Variants in PTDSS2 observed in about 807,000 individuals in gnomAD.
The protein encoded by PTDSS2 is PSS-2.
A neutral mutation model predicts 64.7 loss-of-function variants in PTDSS2; 41 were observed. The ratio of observed to expected loss-of-function variants is 0.63; its 90% CI spans 0.49 to 0.82. PTDSS2 has a LOEUF of 0.82. Among genes scored for constraint, PTDSS2 ranks in the 40% least tolerant of loss-of-function variants. The probability of loss-of-function intolerance (pLI) is 0.00; values close to 1 mark genes in which losing one functional copy is unlikely to be tolerated. For missense variants in PTDSS2, 485 were observed against 650.0 expected, an observed-to-expected ratio of 0.75 and a Z score of 2.76; for synonymous variants, 297 against 277.8, an observed-to-expected ratio of 1.07 and a Z score of -0.69.
chr11:483,593 T>G (rs1848162495), intron 4 of PTDSS2, among the ~76,000 whole-genome samples: 1 of 152,248 alleles, frequency 6.6e-6, no homozygotes, highest in South Asian at 2.1e-4. Flanking sequence ...TTTTCCCCCT[T>G]TGTTAATATG....
rs368450071 is a variant in PTDSS2, at chr11:490,027, C to T, written c.1260C>T (p.Ser420=). 110 of 1,611,184 alleles carry T rather than the reference C, an allele frequency of 6.8e-5. No homozygotes were observed. Among genetic ancestry groups the T allele is most frequent in the East Asian group, 4.7e-4 (21 of 44,864 alleles). Residue 420 remains serine (S), a synonymous_variant, in exon 11 of 12, where the codon TCC becomes TCT. Transcript: ENST00000308020. ...FYISQCWTLG[S]VLALTWTVWR... Reference sequence around the variant, plus strand: ...TCTCCCAGTGCTGGACCCTCGGCTCCGTCCTGGCGCTCACCTGGACCGTCT... The same window carrying T: ...TCTCCCAGTGCTGGACCCTCGGCTCTGTCCTGGCGCTCACCTGGACCGTCT...
In PTDSS2 at chr11:490,787, TGCGTGTGTGTAC is replaced by T. The variant is rs1554958717; in HGVS notation, c.*214_*225del. The stretch of plus-strand genomic sequence containing the variant: ...ATGTGTACACGTGTGTACGTGTGTA[TGCGTGTGTGTAC>T]GCGTGTGTACGCGCGTGTGTACACA... On this transcript the variant is annotated 3_prime_UTR_variant, in exon 12 of 12. Transcript: ENST00000308020. The T allele has an allele frequency of 5.2e-6, 3 of 574,018 alleles. No individual in the cohort carries two copies. Among genetic ancestry groups the T allele is most frequent in the South Asian group, 2.0e-5 (1 of 49,718 alleles). The allele number at this position is 574,018 out of a possible 1,614,324, so 35.6% of individuals were successfully genotyped here.
intron 1 of PTDSS2, among the ~76,000 whole-genome samples, chr11:451,769 A>G (rs1198719707): frequency 6.6e-6 from 1 of 152,106 alleles, no homozygotes; most frequent in Non-Finnish European, 1.5e-5. Context: ...GAAGCTCTGG[A>G]GAGAGACTGT....
In PTDSS2 at chr11:460,401, G is replaced by T. The variant is rs937316377; in HGVS notation, c.284+113G>T. ...CTCAGAAGGCCTTCACCAGAGGGCT[G>T]CGTGGGGCCGCCGGCCTCTCCCTTG... On this transcript the variant is annotated intron_variant, in intron 2 of 11. Transcript: ENST00000308020. The surrounding 1 kb of genome is among the most constrained non-coding windows in gnomAD (Gnocchi z 5.8). 1.3e-5 allele frequency: 10 copies of T among 792,624 alleles called. No individual in the cohort carries two copies. Among genetic ancestry groups the T allele is most frequent in the Admixed American group, 2.1e-5 (1 of 46,648 alleles). The allele number at this position is 792,624 out of a possible 1,614,324, so 49.1% of individuals were successfully genotyped here. A position where few individuals can be genotyped will look rare whatever the true frequency, so the allele number is the denominator to read the frequency against.
In PTDSS2 at chr11:488,406, C is replaced by G. The variant is rs138837142; in HGVS notation, c.735+94C>G. ...AGCGCGGCCCCTGGACCCCCTCATT[C>G]TCCCCGGGGGGCAGTGGGTGCAGGC... On this transcript the variant is annotated intron_variant, in intron 7 of 11. Transcript: ENST00000308020. The G allele has an allele frequency of 2.5e-4, 330 of 1,333,548 alleles. No homozygotes were observed. The African/African-American group carries it at 4.2e-3, about 17-fold the overall frequency. 82.6% of individuals were successfully genotyped at this position (1,333,548 alleles called of 1,614,324 possible).
chr11:480,453 G>A (rs1848020064), intron 4 of PTDSS2: 2 of 137,092 alleles, frequency 1.5e-5, no homozygotes, highest in South Asian at 5.2e-4. Flanking sequence ...CCTGCACAGT[G>A]CCTCTGAGGT....
intron 1 of PTDSS2, among the ~76,000 whole-genome samples, chr11:458,427 G>C (rs9666582): frequency 1.3e-5 from 2 of 150,328 alleles, no homozygotes; most frequent in African/African-American, 2.5e-5. Flanking sequence ...GGATGGTCTC[G>C]ATCTCCTGAC....
In PTDSS2 at chr11:479,071, GTC is replaced by G; in HGVS notation, c.368-12_368-11del. 1.2e-6 allele frequency: 2 copies of G among 1,613,612 alleles called. No homozygotes were observed. The highest frequency in any genetic ancestry group is 1.7e-6 in the Non-Finnish European group (2 of 1,179,468). ...GGACCGGGCGCACTAACGTTCTGTC[GTC>G]TGTCTTTGTAGCTTACTGGAGGTTT... On this transcript the variant is annotated splice_polypyrimidine_tract_variant and intron_variant, in intron 3 of 11. Transcript: ENST00000308020. This position sits in a 1 kb window ranked among gnomAD's most constrained non-coding sequence, Gnocchi z 4.2.
Position 462,141 on chromosome 11 carries a change from C to T in PTDSS2, c.284+1853C>T, listed in dbSNP as rs1846919612. On this transcript the variant is annotated intron_variant, in intron 2 of 11. Transcript: ENST00000308020. This position sits in a 1 kb window ranked among gnomAD's most constrained non-coding sequence, Gnocchi z 4.5. ...GCATTCACCAGGCCCCCACCAGGCG[C>T]ATCACAAAGCCTCACCACCCCAAGC... 6.6e-6 allele frequency among the ~76,000 whole-genome samples: 1 copy of T among 152,128 alleles called. No individual in the cohort carries two copies. Among genetic ancestry groups the T allele is most frequent in the Non-Finnish European group, 1.5e-5 (1 of 67,992 alleles).
At chr11:488,436 G>A (rs1036665102) in intron 7 of PTDSS2, 93 bp from the exon 8 acceptor site, 6 of 1,338,552 alleles carry the variant, frequency 4.5e-6, no homozygotes, top group African/African-American at 1.4e-5. Context: ...GCAGGCTGAG[G>A]GGCATTCTCG....
At chr11:471,021 T>C (rs1276692805) in intron 2 of PTDSS2, among the ~76,000 whole-genome samples, 1 of 152,118 alleles carries the variant, frequency 6.6e-6, no homozygotes, top group African/African-American at 2.4e-5. Flanking sequence ...TAAAATGCAA[T>C]ATATTTGTTT....
chr11:464,818 T>A (rs1015873795), intron 2 of PTDSS2, among the ~76,000 whole-genome samples: 4 of 152,234 alleles, frequency 2.6e-5, no homozygotes, highest in African/African-American at 9.6e-5. Context: ...AAAATACATG[T>A]AACATATATA....
intron 4 of PTDSS2, among the ~76,000 whole-genome samples, chr11:485,524 G>A (rs1466965791): frequency 8.6e-6 from 1 of 116,902 alleles, no homozygotes; most frequent in African/African-American, 3.3e-5. Flanking sequence ...TGTGCTCACC[G>A]TGTGCGCAGG....
At chr11:453,347 A>G (rs1345468947) in intron 1 of PTDSS2, among the ~76,000 whole-genome samples, 2 of 152,150 alleles carry the variant, frequency 1.3e-5, no homozygotes, top group Non-Finnish European at 2.9e-5. Context: ...TACCCTGGCG[A>G]GGTGCCTGTG....
intron 2 of PTDSS2, among the ~76,000 whole-genome samples, chr11:468,191 TA>T (rs1847230123): frequency 6.6e-6 from 1 of 152,220 alleles, no homozygotes; most frequent in South Asian, 2.1e-4. Flanking sequence ...CATGTTTCTA[TA>T]AATACACATT....
At chr11:449,068 ATTT>A (rs33967553), upstream of PTDSS2, among the ~76,000 whole-genome samples, 3 of 136,334 alleles carry the variant, frequency 2.2e-5, no homozygotes, top group African/African-American at 5.5e-5. Flanking sequence ...TTCACCTAGC[ATTT>A]TTTTTTTTTT....
At position 490,686 on chromosome 11, in the gene PTDSS2, T is replaced by A; in HGVS notation, c.*104T>A. On this transcript the variant is annotated 3_prime_UTR_variant, in exon 12 of 12. Transcript: ENST00000308020. ...CACGTGCCCGGCCTTGCCCTCAAGG[T>A]TTTTTGCTTTTCTCCTGTGCACCTG... The A allele has an allele frequency of 7.8e-7, 1 of 1,279,812 alleles. No homozygotes were observed. Among genetic ancestry groups the A allele is most frequent in the Non-Finnish European group, 1.1e-6 (1 of 948,224 alleles). The allele number at this position is 1,279,812 out of a possible 1,614,324, so 79.3% of individuals were successfully genotyped here. A position where few individuals can be genotyped will look rare whatever the true frequency, so the allele number is the denominator to read the frequency against.
At chr11:468,293 A>G (rs571665284) in intron 2 of PTDSS2, among the ~76,000 whole-genome samples, 25 of 152,214 alleles carry the variant, frequency 1.6e-4, no homozygotes, top group Non-Finnish European at 2.8e-4. Context: ...GGTAGTGAAA[A>G]CATCAGTTGT....
intron 10 of PTDSS2, 35 bp from the exon 11 acceptor site, chr11:489,848 G>A: frequency 6.4e-7 from 1 of 1,551,420 alleles, no homozygotes; most frequent in Non-Finnish European, 8.7e-7. Context: ...GACCCTGCGG[G>A]GCCCGGGACG....
Sources: gnomAD v4.1 joint callset for allele counts (sites outside exome capture counted in the v4.1 genomes callset) on GRCh38, gnomAD v4.1.1 for gene constraint, Gnocchi (gnomAD v3.1) non-coding constraint, MANE v1.5 for transcripts, NCBI Gene and HGNC (gene_info 2026-07-23, HGNC 2026-07-21) for gene names.